The following STARD13 variants were observed in gnomAD, a reference collection of about 807,000 sequenced individuals.
STARD13 encodes StAR related lipid transfer domain containing 13.
A neutral mutation model predicts 106.4 loss-of-function variants in STARD13; 62 were observed. The ratio of observed to expected loss-of-function variants is 0.58; its 90% CI spans 0.48 to 0.72. STARD13 has a LOEUF of 0.72. Ranked by LOEUF, STARD13 falls within the 30% of genes least tolerant of loss-of-function variation. STARD13 has a pLI of 0.00. For missense variants in STARD13, 1,387 were observed against 1,424.0 expected, an observed-to-expected ratio of 0.97 and a Z score of 0.42; for synonymous variants, 565 against 553.0, an observed-to-expected ratio of 1.02 and a Z score of -0.31.
the STARD13 span, among the ~76,000 whole-genome samples, chr13:33,674,572 C>T: frequency 2.0e-5 from 3 of 152,128 alleles, no homozygotes; most frequent in South Asian, 4.1e-4. Context: ...ATTTCTCTAC[C>T]TTTTGGGGAC....
chr13:33,204,239 C>T lies in STARD13; in HGVS notation c.170-36617G>A, dbSNP rs1031042529. ...GTGAGTTTAGCTCATGCAGAACATA[C>T]TGGTTGGCATAGATGATTCCTTCAC... On this transcript the variant is annotated intron_variant, in intron 1 of 13. Transcript: ENST00000336934. 2.6e-5 allele frequency among the ~76,000 whole-genome samples: 4 copies of T among 152,198 alleles called. No individual in the cohort carries two copies. In the South Asian group the frequency reaches 8.3e-4, roughly 32 times the overall value.
At chr13:33,236,184 G>A (rs1360469685) in intron 1 of STARD13, among the ~76,000 whole-genome samples, 1 of 152,188 alleles carries the variant, frequency 6.6e-6, no homozygotes, top group Admixed American at 6.5e-5. Context: ...ATTATTGAAT[G>A]CTTCAGATTG....
upstream of STARD13, among the ~76,000 whole-genome samples, chr13:33,289,273 T>A (rs1892194963): frequency 6.6e-6 from 1 of 152,212 alleles, no homozygotes; most frequent in Non-Finnish European, 1.5e-5. Context: ...TCAGTAAGAC[T>A]ATTTCAGGAG....
At chr13:33,487,859 A>G in the STARD13 span, among the ~76,000 whole-genome samples, 21 of 152,244 alleles carry the variant, frequency 1.4e-4, no homozygotes, top group African/African-American at 4.8e-4. Flanking sequence ...ACCTTTTGCA[A>G]TCTGGCATAC....
intron 3 of STARD13, among the ~76,000 whole-genome samples, chr13:33,151,143 A>G (rs1487699908): frequency 6.6e-6 from 1 of 151,926 alleles, no homozygotes; most frequent in Non-Finnish European, 1.5e-5. Flanking sequence ...AGGAAAAAAA[A>G]ATAGGCACAA....
At chr13:33,223,660 AATAT>A (rs144165084) in intron 1 of STARD13, among the ~76,000 whole-genome samples, 2 of 149,398 alleles carry the variant, frequency 1.3e-5, no homozygotes, top group African/African-American at 4.9e-5. Flanking sequence ...ACTCCATCTC[AATAT>A]ATATATATAT....
At chr13:33,521,956 T>C in the STARD13 span, among the ~76,000 whole-genome samples, 4 of 152,144 alleles carry the variant, frequency 2.6e-5, no homozygotes, top group South Asian at 2.1e-4. Flanking sequence ...CAATGAGTTA[T>C]AGCATTAAAC....
At chr13:33,266,625 C>T (rs934369875) in intron 1 of STARD13, among the ~76,000 whole-genome samples, 13 of 152,274 alleles carry the variant, frequency 8.5e-5, no homozygotes, top group African/African-American at 2.6e-4. Context: ...GACAACTCTG[C>T]GATTTTGCCC....
the STARD13 span, among the ~76,000 whole-genome samples, chr13:33,424,467 T>TG: frequency 6.6e-6 from 1 of 152,202 alleles, no homozygotes; most frequent in African/African-American, 2.4e-5. Flanking sequence ...CGCACATTAT[T>TG]GCCCTCTGCT....
chr13:33,439,204 T>C, the STARD13 span, among the ~76,000 whole-genome samples: 5 of 152,350 alleles, frequency 3.3e-5, no homozygotes, highest in East Asian at 7.7e-4. Flanking sequence ...TTAGTTTACA[T>C]AGTCATTAAA....
chr13:33,311,049 C>A, intron 1 of STARD13, among the ~76,000 whole-genome samples: 1 of 151,414 alleles, frequency 6.6e-6, no homozygotes. Flanking sequence ...TTGATCCCAG[C>A]ACTTTGGAAG....
chr13:33,348,264 G>T (rs142313737), downstream of STARD13, among the ~76,000 whole-genome samples: 5 of 152,270 alleles, frequency 3.3e-5, no homozygotes, highest in East Asian at 9.6e-4. Flanking sequence ...ACCACTTTTA[G>T]CTTTCTATAT....
chr13:33,287,264 A>G (rs1358576019), upstream of STARD13, among the ~76,000 whole-genome samples: 1 of 152,158 alleles, frequency 6.6e-6, no homozygotes, highest in East Asian at 1.9e-4. Flanking sequence ...CCCTGAGGGA[A>G]TTGTTGCTAG....
chr13:33,653,505 T>G, the STARD13 span, among the ~76,000 whole-genome samples: 3 of 152,154 alleles, frequency 2.0e-5, no homozygotes, highest in Admixed American at 6.5e-5. Context: ...GAAAACTAGT[T>G]TATATTATAT....
chr13:33,661,047 A>G, the STARD13 span, among the ~76,000 whole-genome samples: 1 of 152,220 alleles, frequency 6.6e-6, no homozygotes, highest in Non-Finnish European at 1.5e-5. Context: ...CTGAAATATT[A>G]TTTGTTATTT....
rs146338535 is a variant in STARD13 at position 33,281,272 on chromosome 13, G to A, written c.169+4198C>T. 7.9e-5 allele frequency: 12 copies of A among 152,202 alleles called. No homozygotes were observed. In the East Asian group the frequency reaches 2.3e-3, roughly 29 times the overall value. The allele number at this position is 152,202 out of a possible 1,614,324, so 9.4% of individuals were successfully genotyped here. A position where few individuals can be genotyped will look rare whatever the true frequency, so the allele number is the denominator to read the frequency against. On this transcript the variant is annotated intron_variant, in intron 1 of 13. Coordinates refer to ENST00000336934, the MANE Select transcript of STARD13 (RefSeq NM_178006.4). ...GCCTGTCTCCTTATCCTACTTCAGTGGACTTGACTGCAATCCGGATTATGC... is the reference window on the plus strand; with the variant it reads ...GCCTGTCTCCTTATCCTACTTCAGTAGACTTGACTGCAATCCGGATTATGC...
chr13:33,335,469 T>C (rs141984216), intron 1 of STARD13, among the ~76,000 whole-genome samples: 1 of 152,228 alleles, frequency 6.6e-6, no homozygotes, highest in African/African-American at 2.4e-5. Context: ...GTGATTAGGG[T>C]GGAGGTCCTG....
chr13:33,333,296 G>A (rs927412729), intron 1 of STARD13, among the ~76,000 whole-genome samples: 4 of 152,152 alleles, frequency 2.6e-5, no homozygotes, highest in Non-Finnish European at 5.9e-5. Context: ...GCTGAGGCAT[G>A]ACAATAGCTT....
chr13:33,151,969 A>G (rs1881340946), intron 3 of STARD13, among the ~76,000 whole-genome samples: 1 of 152,214 alleles, frequency 6.6e-6, no homozygotes, highest in South Asian at 2.1e-4. Flanking sequence ...CGTTAAACAC[A>G]GAGGAAACAG....
Sources: allele counts gnomAD v4.1 joint callset (sites outside exome capture counted in the v4.1 genomes callset), GRCh38; gene constraint gnomAD v4.1.1; transcripts MANE v1.5; gene names NCBI Gene and HGNC (gene_info 2026-07-23, HGNC 2026-07-21).